The following FANCC variants were observed in gnomAD, a reference collection of about 807,000 sequenced individuals.
FANCC encodes the protein Fanconi anemia group C protein.
FANCC carries 55 observed loss-of-function variants against 71.3 expected under a neutral mutation model. The observed-to-expected ratio is 0.77, with a 90% CI of 0.62 to 0.97. The LOEUF (loss-of-function observed/expected upper bound fraction) is 0.97. FANCC is among the 50% of genes least tolerant of loss of function. The pLI is 0.00. For synonymous variants in FANCC, 275 were observed against 244.9 expected, an observed-to-expected ratio of 1.12 and a Z score of -1.15; for missense variants, 678 against 670.9, an observed-to-expected ratio of 1.01 and a Z score of -0.12.
At chr9:95,290,745 T>G (rs2136308601) in intron 1 of FANCC, among the ~76,000 whole-genome samples, 2 of 152,250 alleles carry the variant, frequency 1.3e-5, no homozygotes, top group Admixed American at 1.3e-4. Flanking sequence ...AAGGGAACAC[T>G]GCTAAGAATA....
intron 4 of FANCC, among the ~76,000 whole-genome samples, chr9:95,197,478 A>C (rs1827529096): frequency 6.6e-6 from 1 of 152,200 alleles, no homozygotes; most frequent in Non-Finnish European, 1.5e-5. Flanking sequence ...GGTCAAGGCT[A>C]CAATGAGCCA....
intron 4 of FANCC, among the ~76,000 whole-genome samples, chr9:95,237,831 T>C (rs751796935): frequency 2.6e-5 from 4 of 152,194 alleles, no homozygotes; most frequent in Non-Finnish European, 5.9e-5. Context: ...AGATACATCA[T>C]GAAAAAGATT....
intron 1 of FANCC, among the ~76,000 whole-genome samples, chr9:95,299,633 G>A (rs1396374193): frequency 3.3e-5 from 5 of 152,208 alleles, no homozygotes; most frequent in Admixed American, 2.0e-4. Context: ...GGCTGAGGAA[G>A]GAGGATCGCT....
intron 1 of FANCC, among the ~76,000 whole-genome samples, chr9:95,260,124 A>G (rs1831929308): frequency 6.6e-6 from 1 of 152,214 alleles, no homozygotes; most frequent in African/African-American, 2.4e-5. Context: ...ATTGTGGAAG[A>G]CAGTGTGGAG....
chr9:95,142,828 T>C lies in FANCC; in HGVS notation c.686+7095A>G, dbSNP rs564655771. ...GTCACTCCCACTACTTAGAAGCTGT[T>C]TTTACTCACAGAGCACTTCTCACAC... On this transcript the variant is annotated intron_variant, in intron 7 of 14. Transcript: ENST00000289081. Among the ~76,000 whole-genome samples the C allele has an allele frequency of 2.6e-4, 39 of 152,262 alleles. No individual in the cohort carries two copies. In the South Asian group the frequency reaches 7.9e-3, roughly 31 times the overall value.
intron 1 of FANCC, among the ~76,000 whole-genome samples, chr9:95,299,902 T>C (rs562837316): frequency 3.3e-5 from 5 of 152,136 alleles, no homozygotes; most frequent in Non-Finnish European, 5.9e-5. Context: ...GGTATCTCTG[T>C]ATACTCAAAA....
At chr9:95,294,148 G>C in intron 1 of FANCC, 1 of 1,605,130 alleles carries the variant, frequency 6.2e-7, no homozygotes, top group Non-Finnish European at 8.5e-7. Flanking sequence ...TAATCTGCCT[G>C]CTCAGACATT....
chr9:95,294,681 C>A (rs1834266478), intron 1 of FANCC: 1 of 1,594,320 alleles, frequency 6.3e-7, no homozygotes, highest in African/African-American at 1.3e-5. Context: ...TGTTCTTCAC[C>A]AACAACGAAA....
intron 1 of FANCC, among the ~76,000 whole-genome samples, chr9:95,278,335 C>G (rs1429885399): frequency 3.3e-5 from 5 of 152,160 alleles, no homozygotes; most frequent in Non-Finnish European, 2.9e-5. Context: ...GATACACAGT[C>G]AGTAGAAGCC....
intron 7 of FANCC, chr9:95,145,584 TAAC>T (rs531338092): frequency 3.0e-4 from 45 of 152,272 alleles, no homozygotes; most frequent in Middle Eastern, 6.8e-3. Flanking sequence ...AACAAACTAA[TAAC>T]AACCCTAGTA....
intron 1 of FANCC, among the ~76,000 whole-genome samples, chr9:95,279,330 GA>G (rs936543965): frequency 1.3e-4 from 19 of 144,450 alleles, no homozygotes; most frequent in African/African-American, 2.6e-4. Flanking sequence ...GAAAAAAAAA[GA>G]AAAAAAAAAT....
intron 1 of FANCC, among the ~76,000 whole-genome samples, chr9:95,281,665 G>A (rs73654545): frequency 6.6e-6 from 1 of 152,168 alleles, no homozygotes; most frequent in African/African-American, 2.4e-5. Flanking sequence ...ATGGTGGTAT[G>A]TACATCATAT....
rs375088943 is a variant in FANCC at position 95,108,876 on chromosome 9, T to G, written c.1330-1607A>C. 5.1e-4 allele frequency among the ~76,000 whole-genome samples: 78 copies of G among 152,116 alleles called. No homozygotes were observed. The East Asian group carries it at 0.01, about 20-fold the overall frequency. On this transcript the variant is annotated intron_variant, in intron 13 of 14. Coordinates refer to ENST00000289081, the MANE Select transcript of FANCC (RefSeq NM_000136.3). Reference sequence around the variant, plus strand: ...CCATAATGTACTATAAGCAGTTCAGTTCACTGTATCTATAGAACATGCTCT... The same window carrying G: ...CCATAATGTACTATAAGCAGTTCAGGTCACTGTATCTATAGAACATGCTCT...
At chr9:95,116,103 G>A (rs1183478730) in intron 11 of FANCC, among the ~76,000 whole-genome samples, 3 of 152,218 alleles carry the variant, frequency 2.0e-5, no homozygotes, top group Non-Finnish European at 4.4e-5. Context: ...CAAACGGAAA[G>A]GTAAAGGGTT....
At chr9:95,210,717 G>C (rs953887395) in intron 4 of FANCC, among the ~76,000 whole-genome samples, 1 of 152,150 alleles carries the variant, frequency 6.6e-6, no homozygotes, top group African/African-American at 2.4e-5. Flanking sequence ...ACTTGGCATA[G>C]CCATTCCAAA....
chr9:95,153,513 G>C (rs946378062), intron 6 of FANCC, among the ~76,000 whole-genome samples: 5 of 152,102 alleles, frequency 3.3e-5, no homozygotes, highest in African/African-American at 1.2e-4. Context: ...ACATCTAAAA[G>C]GCCATTCTTG....
At chr9:95,274,065 T>C (rs1001730946) in intron 1 of FANCC, among the ~76,000 whole-genome samples, 2 of 152,226 alleles carry the variant, frequency 1.3e-5, no homozygotes, top group African/African-American at 2.4e-5. Context: ...GAGATACATG[T>C]GCAGAACGTG....
chr9:95,276,912 T>C (rs1034965501), intron 1 of FANCC, among the ~76,000 whole-genome samples: 5 of 152,234 alleles, frequency 3.3e-5, no homozygotes, highest in African/African-American at 9.7e-5. Context: ...TTTACTACTA[T>C]TTTCGCAAGC....
chr9:95,202,822 G>A (rs747622606), intron 4 of FANCC, among the ~76,000 whole-genome samples: 32 of 152,300 alleles, frequency 2.1e-4, no homozygotes, highest in Admixed American at 6.5e-4. Context: ...TGAGGCAAAT[G>A]TGGTTAGAAA....
Sources: allele counts gnomAD v4.1 joint callset (sites outside exome capture counted in the v4.1 genomes callset), GRCh38; gene constraint gnomAD v4.1.1; transcripts MANE v1.5; gene names NCBI Gene and HGNC (gene_info 2026-07-23, HGNC 2026-07-21).